The following MORC1 variants were observed in gnomAD, a reference collection of about 807,000 sequenced individuals.
MORC1 encodes MORC family CW-type zinc finger protein 1.
Under a neutral mutation model 134.9 loss-of-function variants are expected in MORC1, and 59 were observed. That is an observed-to-expected ratio of 0.44 (90% CI 0.35 to 0.54). The LOEUF (loss-of-function observed/expected upper bound fraction) is 0.54, where lower values mean the gene tolerates loss of function less well. MORC1 is among the 20% of genes least tolerant of loss of function. The pLI, the probability that MORC1 is intolerant of heterozygous loss-of-function variation, is 0.00. For missense variants in MORC1, 947 were observed against 1,134.5 expected (o/e 0.83, Z 2.37); for synonymous variants, 395 against 391.7 (o/e 1.01, Z -0.10).
chr3:109,108,085 A>C (rs1028203751), intron 3 of MORC1, among the ~76,000 whole-genome samples: 2 of 152,166 alleles, frequency 1.3e-5, no homozygotes, highest in African/African-American at 4.8e-5. Context: ...GCTACTGGAA[A>C]GGCAGAGGCA....
At chr3:109,068,030 CT>C (rs1472629022) in intron 9 of MORC1, among the ~76,000 whole-genome samples, 3 of 152,086 alleles carry the variant, frequency 2.0e-5, no homozygotes, top group Admixed American at 2.0e-4. Flanking sequence ...GGTTTGAGTT[CT>C]TTTCTAGTTT....
intron 9 of MORC1, among the ~76,000 whole-genome samples, chr3:109,068,881 T>A (rs1236075592): frequency 2.0e-5 from 3 of 152,192 alleles, no homozygotes; most frequent in African/African-American, 7.2e-5. Flanking sequence ...GGTGGCCAAG[T>A]GCAGTGGCTC....
At chr3:109,102,021 G>T (rs1030364848) in intron 4 of MORC1, among the ~76,000 whole-genome samples, 4 of 152,176 alleles carry the variant, frequency 2.6e-5, no homozygotes, top group Non-Finnish European at 5.9e-5. Flanking sequence ...TCCTGCCTTG[G>T]ACAACACTAT....
chr3:108,978,863 A>G (rs1947635479), intron 24 of MORC1, among the ~76,000 whole-genome samples: 1 of 152,130 alleles, frequency 6.6e-6, no homozygotes, highest in African/African-American at 2.4e-5. Context: ...CAACAAAACC[A>G]ATGAGGTACA....
At chr3:108,978,246 C>T (rs1355731408) in intron 24 of MORC1, among the ~76,000 whole-genome samples, 1 of 152,164 alleles carries the variant, frequency 6.6e-6, no homozygotes, top group Non-Finnish European at 1.5e-5. Context: ...CATTTCCAGG[C>T]TAGTGGAAGA....
chr3:109,063,146 G>T lies in MORC1; in HGVS notation c.895+6C>A. ...ACAATGATGTAGGCTACAGGTAATC[G>T]CATACCAATCTTTACTGCTTCTTCT... On this transcript the variant is annotated splice_donor_region_variant and intron_variant, in intron 10 of 27. Transcript: ENST00000232603. 1 of 1,577,714 alleles carries T rather than the reference G, an allele frequency of 6.3e-7. No homozygotes were observed.
intron 12 of MORC1, among the ~76,000 whole-genome samples, chr3:109,059,015 A>T (rs1177571553): frequency 1.3e-5 from 2 of 152,112 alleles, no homozygotes; most frequent in Non-Finnish European, 2.9e-5. Flanking sequence ...AATTTCTATG[A>T]CATTTATTTA....
At chr3:109,012,586 T>C (rs187753664) in intron 17 of MORC1, among the ~76,000 whole-genome samples, 8 of 152,314 alleles carry the variant, frequency 5.3e-5, no homozygotes, top group Admixed American at 1.3e-4. Context: ...TATTTAATGT[T>C]TTCAGCAGTG....
intron 22 of MORC1, among the ~76,000 whole-genome samples, chr3:108,985,723 ATGAG>A (rs1168844465): frequency 1.3e-5 from 2 of 152,220 alleles, no homozygotes; most frequent in Non-Finnish European, 2.9e-5. Context: ...CAAACCTAGG[ATGAG>A]TATTTAAAAT....
At chr3:109,067,953 T>TAAAGA (rs1950236065) in intron 9 of MORC1, among the ~76,000 whole-genome samples, 2 of 152,280 alleles carry the variant, frequency 1.3e-5, no homozygotes, top group Non-Finnish European at 1.5e-5. Flanking sequence ...AGACATATAA[T>TAAAGA]AAAGAGTTAA....
chr3:108,970,794 G>A (rs1947355976), intron 25 of MORC1, among the ~76,000 whole-genome samples: 1 of 152,144 alleles, frequency 6.6e-6, no homozygotes, highest in Non-Finnish European at 1.5e-5. Flanking sequence ...ACTACTCACT[G>A]TTACTTAAGC....
chr3:108,990,046 CT>C (rs112631815), intron 21 of MORC1, among the ~76,000 whole-genome samples: 14 of 152,204 alleles, frequency 9.2e-5, no homozygotes, highest in African/African-American at 3.1e-4. Flanking sequence ...GGCAGTTCCC[CT>C]ACACATTCTC....
At chr3:109,114,491 T>C in intron 1 of MORC1, 54 bp from the exon 2 acceptor site, 2 of 1,477,284 alleles carry the variant, frequency 1.4e-6, no homozygotes, top group Non-Finnish European at 9.4e-7. Flanking sequence ...GTAATCAATG[T>C]AAAAGCTTTA....
At chr3:109,098,237 G>C (rs1436161345) in intron 6 of MORC1, among the ~76,000 whole-genome samples, 5 of 152,024 alleles carry the variant, frequency 3.3e-5, no homozygotes, top group Non-Finnish European at 1.5e-5. Context: ...GTTGTTAAGA[G>C]GTTGTCTCTG....
Position 109,009,271 on chromosome 3 carries a change from T to C in MORC1, c.1705-2180A>G, listed in dbSNP as rs137993526. Among the ~76,000 whole-genome samples the C allele has an allele frequency of 6.9e-5, 10 of 145,370 alleles. No homozygotes were observed. In the East Asian group the frequency reaches 2.1e-3, roughly 31 times the overall value. On this transcript the variant is annotated intron_variant, in intron 17 of 27. Transcript: ENST00000232603. ...ACCAGGCTGGAGTGCAGTGGCGCAA[T>C]CTCTGCTCACCGCAACCTCCACCTC...
At chr3:109,058,532 C>T (rs939716597) in intron 12 of MORC1, among the ~76,000 whole-genome samples, 54 of 151,966 alleles carry the variant, frequency 3.6e-4, no homozygotes, top group African/African-American at 1.3e-3. Flanking sequence ...TAATTAAATG[C>T]ATCTATCATT....
At chr3:109,003,677 T>C (rs1948465033) in intron 20 of MORC1, among the ~76,000 whole-genome samples, 1 of 152,186 alleles carries the variant, frequency 6.6e-6, no homozygotes, top group African/African-American at 2.4e-5. Context: ...AATATCTGAA[T>C]ATATAAAACT....
chr3:109,020,634 C>T (rs1481230495), intron 17 of MORC1, among the ~76,000 whole-genome samples: 1 of 151,750 alleles, frequency 6.6e-6, no homozygotes, highest in African/African-American at 2.4e-5. Flanking sequence ...GGTGTGGTGG[C>T]GGGTGCCTGT....
In MORC1 at chr3:109,005,170, G is replaced by T. The variant is rs1025669059; in HGVS notation, c.1913C>A (p.Thr638Lys). 14 of 1,613,620 alleles carry T rather than the reference G, an allele frequency of 8.7e-6. No homozygotes were observed. Among genetic ancestry groups the T allele is most frequent in the Admixed American group, 3.3e-5 (2 of 59,938 alleles). The change falls in exon 19 of 28, where the codon ACA (threonine) becomes AAA (lysine). Residue 638 changes from threonine to lysine, a missense_variant. Thr to Lys is a moderately conservative substitution (Grantham distance 78). Transcript: ENST00000232603. ...CTCCATAGACTTTTTCATAATTTTT[G>T]TTTCTGAAATATACTCTACATCAGA... ...TDSDVEYISE[T>K]KIMKKSMEEK...
Sources: allele counts gnomAD v4.1 joint callset (sites outside exome capture counted in the v4.1 genomes callset), GRCh38; gene constraint gnomAD v4.1.1; transcripts MANE v1.5; gene names NCBI Gene and HGNC (gene_info 2026-07-23, HGNC 2026-07-21).